Variants in EIF4G3 observed in about 807,000 individuals in gnomAD.
EIF4G3 encodes the protein eIF-4-gamma 3.
Under a neutral mutation model 186.4 loss-of-function variants are expected in EIF4G3, and 34 were observed. The observed-to-expected ratio is 0.18, with a 90% CI of 0.14 to 0.24. The LOEUF is 0.24. EIF4G3 is among the 10% of genes least tolerant of loss of function. The probability of loss-of-function intolerance (pLI) is 1.00; values close to 1 mark genes in which losing one functional copy is unlikely to be tolerated. For synonymous variants in EIF4G3, 673 were observed against 679.5 expected, an observed-to-expected ratio of 0.99 and a Z score of 0.15; for missense variants, 1,536 against 1,948.5, an observed-to-expected ratio of 0.79 and a Z score of 3.99.
intron 4 of EIF4G3, among the ~76,000 whole-genome samples, chr1:21,032,623 A>C (rs981581673): frequency 6.6e-6 from 1 of 152,150 alleles, no homozygotes; most frequent in African/African-American, 2.4e-5. Context: ...CTTTTCAGAA[A>C]GGCCAAACCA....
At chr1:20,854,536 A>AT (rs1310887410) in intron 26 of EIF4G3, among the ~76,000 whole-genome samples, 6 of 127,126 alleles carry the variant, frequency 4.7e-5, no homozygotes, top group Non-Finnish European at 5.4e-5. Flanking sequence ...TCTACAAAAA[A>AT]TTAAAAAAAA....
intron 14 of EIF4G3, among the ~76,000 whole-genome samples, chr1:20,921,755 T>C: frequency 6.6e-6 from 1 of 152,226 alleles, no homozygotes; most frequent in East Asian, 1.9e-4. Flanking sequence ...TTTGGACTCT[T>C]TTCCAAAGTG....
intron 7 of EIF4G3, among the ~76,000 whole-genome samples, chr1:20,983,566 T>A (rs1420413070): frequency 6.6e-6 from 1 of 152,174 alleles, no homozygotes; most frequent in Admixed American, 6.5e-5. Context: ...AGTATTTTTA[T>A]AATGTAGTTA....
At chr1:21,150,338 T>C (rs1414338421) in intron 2 of EIF4G3, among the ~76,000 whole-genome samples, 1 of 152,202 alleles carries the variant, frequency 6.6e-6, no homozygotes, top group African/African-American at 2.4e-5. Flanking sequence ...TAATATGCCA[T>C]GTCATTTAAA....
In EIF4G3 at chr1:20,865,174, T is replaced by C. The variant is rs1265267167; in HGVS notation, c.2711A>G (p.Asp904Gly). 1.2e-6 allele frequency: 2 copies of C among 1,614,080 alleles called. No individual in the cohort carries two copies. Among genetic ancestry groups the C allele is most frequent in the Admixed American group, 1.7e-5 (1 of 60,008 alleles). Residue 904 changes from aspartate to glycine, a missense_variant, in exon 21 of 37, where the codon GAT becomes GGT. By Grantham distance (94) the Asp-to-Gly change is moderately conservative (BLOSUM62 -1). This residue lies in a region of EIF4G3 where 77 missense variants were observed against 131.6 expected (regional missense o/e 0.59). Coordinates refer to ENST00000602326, the MANE Select transcript of EIF4G3 (RefSeq NM_001391906.1). ...LNRCQKEFEK[D>G]KADDDVFEKK... ...CTCAAAGACATCATCATCTGCTTTATCTTTTTCAAACTCCTTCTGGCAACG... is the reference window on the plus strand; with the variant it reads ...CTCAAAGACATCATCATCTGCTTTACCTTTTTCAAACTCCTTCTGGCAACG...
At chr1:21,140,374 C>T (rs1324349220) in intron 2 of EIF4G3, among the ~76,000 whole-genome samples, 1 of 152,078 alleles carries the variant, frequency 6.6e-6, no homozygotes, top group Non-Finnish European at 1.5e-5. Flanking sequence ...AGTGCAGTAG[C>T]GTGATCTCAG....
At chr1:21,077,537 A>G (rs2095624342) in intron 3 of EIF4G3, among the ~76,000 whole-genome samples, 2 of 151,746 alleles carry the variant, frequency 1.3e-5, no homozygotes. Context: ...GAAAACCACA[A>G]TGAGATTTCA....
intron 34 of EIF4G3, among the ~76,000 whole-genome samples, chr1:20,815,664 C>A (rs1261488808): frequency 4.8e-3 from 709 of 148,092 alleles, no homozygotes; most frequent in East Asian, 0.026. Context: ...GGGGGTCAGC[C>A]CCCCGCCCGG....
intron 4 of EIF4G3, among the ~76,000 whole-genome samples, chr1:21,007,538 C>CAAAAAAAAAAAAAAAAAA (rs1471121881): frequency 3.6e-4 from 21 of 58,516 alleles, no homozygotes; most frequent in South Asian, 1.0e-3. Flanking sequence ...AAAAAAAAAA[C>CAAAAAAAAAAAAAAAAAA]ACACTCAAAA....
intron 4 of EIF4G3, among the ~76,000 whole-genome samples, chr1:21,038,167 T>C (rs1330778640): frequency 6.6e-6 from 1 of 152,234 alleles, no homozygotes; most frequent in African/African-American, 2.4e-5. Context: ...CATAATAGGA[T>C]AGCTTGATCA....
intron 12 of EIF4G3, among the ~76,000 whole-genome samples, chr1:20,966,978 C>A (rs2074839177): frequency 6.6e-6 from 1 of 152,130 alleles, no homozygotes; most frequent in Non-Finnish European, 1.5e-5. Flanking sequence ...TTACACTTCC[C>A]AAAAAGAACT....
At chr1:21,033,846 A>C (rs888675978) in intron 4 of EIF4G3, among the ~76,000 whole-genome samples, 1 of 152,190 alleles carries the variant, frequency 6.6e-6, no homozygotes, top group Non-Finnish European at 1.5e-5. Context: ...CCAGCGCTTC[A>C]GGAGGCCAAG....
chr1:20,915,046 TAC>T (rs1252014580), intron 14 of EIF4G3, among the ~76,000 whole-genome samples: 2 of 152,240 alleles, frequency 1.3e-5, no homozygotes, highest in African/African-American at 4.8e-5. Context: ...ATATGTGAAA[TAC>T]AGTTATAGCA....
intron 3 of EIF4G3, among the ~76,000 whole-genome samples, chr1:21,082,855 G>A (rs1231638490): frequency 2.0e-5 from 3 of 151,348 alleles, no homozygotes; most frequent in Non-Finnish European, 1.5e-5. Context: ...TGGCTAACAC[G>A]GTGAAACCCC....
chr1:21,127,622 C>T (rs1284771609), intron 2 of EIF4G3, among the ~76,000 whole-genome samples: 2 of 152,118 alleles, frequency 1.3e-5, no homozygotes, highest in Non-Finnish European at 2.9e-5. Context: ...ATTCTGGCTT[C>T]CTAGCAATAA....
chr1:20,934,961 A>G (rs947733396), intron 14 of EIF4G3, among the ~76,000 whole-genome samples: 6 of 152,098 alleles, frequency 3.9e-5, no homozygotes, highest in Non-Finnish European at 7.4e-5. Context: ...AAACTTCCTA[A>G]TACATCACTA....
chr1:20,890,684 G>T (rs1328451233), intron 18 of EIF4G3, among the ~76,000 whole-genome samples: 1 of 152,084 alleles, frequency 6.6e-6, no homozygotes, highest in Non-Finnish European at 1.5e-5. Context: ...TTGAACTCCG[G>T]GACTCTAGCA....
intron 3 of EIF4G3, among the ~76,000 whole-genome samples, chr1:21,062,087 C>T (rs1307623765): frequency 6.6e-6 from 1 of 151,852 alleles, no homozygotes; most frequent in East Asian, 1.9e-4. Context: ...GAGGCAGGGT[C>T]TTGCTCTGTC....
intron 4 of EIF4G3, among the ~76,000 whole-genome samples, chr1:21,046,708 T>A (rs542914013): frequency 1.3e-5 from 2 of 152,338 alleles, no homozygotes; most frequent in Non-Finnish European, 2.9e-5. Flanking sequence ...CTGTTTTGTA[T>A]AGAAGAATAA....
Sources: gnomAD v4.1 joint callset for allele counts (sites outside exome capture counted in the v4.1 genomes callset) on GRCh38, gnomAD v4.1.1 for gene constraint, gnomAD v4.1.1 regional missense constraint, MANE v1.5 for transcripts, NCBI Gene and HGNC (gene_info 2026-07-23, HGNC 2026-07-21) for gene names.